NSRP1: variants seen among roughly 807,000 people sequenced by gnomAD.
The protein encoded by NSRP1 is nuclear speckle splicing regulatory protein 1, also known as coiled-coil domain containing 55.
In NSRP1, 24 loss-of-function variants were observed where a neutral mutation model predicts 54.7. The ratio of observed to expected loss-of-function variants is 0.44; its 90% CI spans 0.32 to 0.62. The LOEUF is 0.62. Among genes scored for constraint, NSRP1 ranks in the 20% least tolerant of loss-of-function variants. NSRP1 has a pLI of 0.06. For synonymous variants in NSRP1, 210 were observed against 213.8 expected, an observed-to-expected ratio of 0.98 and a Z score of 0.15; for missense variants, 596 against 651.2, an observed-to-expected ratio of 0.92 and a Z score of 0.92.
chr17:30,171,934 TCACACACACACACACA>T (rs746244255), intron 2 of NSRP1, among the ~76,000 whole-genome samples: 4 of 113,346 alleles, frequency 3.5e-5, no homozygotes, highest in Admixed American at 1.0e-4. Context: ...TCCCCATTTC[TCACACACACACACACA>T]CACACACACA....
At chr17:30,152,408 G>A (rs865991891) in intron 2 of NSRP1, among the ~76,000 whole-genome samples, 3 of 148,844 alleles carry the variant, frequency 2.0e-5, no homozygotes, top group Admixed American at 6.8e-5. Flanking sequence ...GTGAGCCACC[G>A]TGCCCAGCCT....
At chr17:30,129,151 CA>C (rs1463421790) in intron 2 of NSRP1, among the ~76,000 whole-genome samples, 1 of 151,094 alleles carries the variant, frequency 6.6e-6, no homozygotes, top group African/African-American at 2.4e-5. Context: ...ATTTAGTTTC[CA>C]AATCATATTA....
intron 2 of NSRP1, among the ~76,000 whole-genome samples, chr17:30,148,475 T>C (rs1344521299): frequency 2.6e-5 from 4 of 152,214 alleles, no homozygotes; most frequent in African/African-American, 4.8e-5. Flanking sequence ...GTACATTTAC[T>C]GACAGGAGAA....
At chr17:30,150,368 C>G (rs1035498386) in intron 2 of NSRP1, 1 of 149,640 alleles carries the variant, frequency 6.7e-6, no homozygotes, top group Non-Finnish European at 1.5e-5. Context: ...TGTGAGCCAT[C>G]GCGCCTGACC....
chr17:30,171,972 ACTCCCTCTCTCTCTCTCT>A (rs1904958261), intron 2 of NSRP1, among the ~76,000 whole-genome samples: 2 of 46,588 alleles, frequency 4.3e-5, no homozygotes, highest in African/African-American at 1.2e-4. Flanking sequence ...ACACACACAC[ACTCCCTCTCTCTCTCTCT>A]CTCTCTCTCT....
chr17:30,144,011 C>T (rs2071829584), intron 2 of NSRP1: 1 of 151,850 alleles, frequency 6.6e-6, no homozygotes, highest in South Asian at 2.1e-4. Context: ...AAATATTTTT[C>T]TACCACTATT....
chr17:30,135,216 T>C (rs936722647), intron 2 of NSRP1, among the ~76,000 whole-genome samples: 5 of 152,096 alleles, frequency 3.3e-5, no homozygotes, highest in Admixed American at 1.3e-4. Context: ...CGTCCAGGAC[T>C]CAAGCGATCC....
chr17:30,126,212 T>G (rs1350483850), intron 2 of NSRP1: 1 of 152,228 alleles, frequency 6.6e-6, no homozygotes. Flanking sequence ...TAATCTTGAC[T>G]TTGAAAACCT....
chr17:30,176,553 C>A (rs929324938), intron 3 of NSRP1, among the ~76,000 whole-genome samples: 2 of 149,820 alleles, frequency 1.3e-5, no homozygotes, highest in Non-Finnish European at 3.0e-5. Context: ...GAGGTTGCAG[C>A]GAGCCAAGAT....
chr17:30,132,873 G>A (rs1482925322), intron 2 of NSRP1, among the ~76,000 whole-genome samples: 2 of 152,222 alleles, frequency 1.3e-5, no homozygotes, highest in African/African-American at 4.8e-5. Flanking sequence ...CTTCCAGAAG[G>A]TTTTCAGTTT....
At chr17:30,182,770 T>TA (rs1452424428) in intron 6 of NSRP1, among the ~76,000 whole-genome samples, 2 of 151,938 alleles carry the variant, frequency 1.3e-5, no homozygotes, top group Non-Finnish European at 2.9e-5. Flanking sequence ...CCGTCTCTAC[T>TA]AAAAATACAA....
chr17:30,182,394 A>G (rs1905337783), intron 6 of NSRP1, among the ~76,000 whole-genome samples: 2 of 152,242 alleles, frequency 1.3e-5, no homozygotes, highest in Admixed American at 1.3e-4. Flanking sequence ...CTGTTATCCC[A>G]GCACTTTGGG....
chr17:30,125,189 C>T (rs554869902), intron 2 of NSRP1, among the ~76,000 whole-genome samples: 2 of 151,404 alleles, frequency 1.3e-5, no homozygotes, highest in African/African-American at 4.9e-5. Flanking sequence ...AACGAGACTC[C>T]GTCTCAAAAA....
At chr17:30,168,316 G>T (rs1904809698) in intron 2 of NSRP1, 1 of 151,736 alleles carries the variant, frequency 6.6e-6, no homozygotes, top group Non-Finnish European at 1.5e-5. Flanking sequence ...TACTGTTGTT[G>T]TTACTATTTT....
At position 30,117,145 on chromosome 17, in the gene NSRP1, C is replaced by T. The variant is rs1416427561; in HGVS notation, c.20+282C>T. 9.6e-6 allele frequency: 7 copies of T among 728,722 alleles called. No individual in the cohort carries two copies. The East Asian group carries it at 1.6e-4, about 16-fold the overall frequency. The allele number at this position is 728,722 out of a possible 1,614,324, so 45.1% of individuals were successfully genotyped here. On this transcript the variant is annotated intron_variant, in intron 1 of 6. Coordinates refer to ENST00000247026, the MANE Select transcript of NSRP1 (RefSeq NM_032141.4). ...TATTTTCCAAAAGCTCGGTCTGAGG[C>T]CCCTCAGTCTTGCTTCCTAACCCGC...
intron 6 of NSRP1, among the ~76,000 whole-genome samples, chr17:30,181,403 T>C (rs1480671879): frequency 6.7e-6 from 1 of 148,256 alleles, no homozygotes; most frequent in Non-Finnish European, 1.5e-5. Flanking sequence ...TTTTTCTTTT[T>C]TTTTTTTTTT....
chr17:30,118,052 A>G (rs1597589257), intron 1 of NSRP1, 28 bp from the exon 2 acceptor site: 1 of 1,557,676 alleles, frequency 6.4e-7, no homozygotes, highest in Non-Finnish European at 8.8e-7. Context: ...TAAAGGTTTA[A>G]TTTCTATTTC....
intron 2 of NSRP1, among the ~76,000 whole-genome samples, chr17:30,135,433 A>C (rs1270382121): frequency 6.6e-6 from 1 of 150,956 alleles, no homozygotes; most frequent in Non-Finnish European, 1.5e-5. Flanking sequence ...CGCTTATCAG[A>C]GTTAACTTAG....
At chr17:30,168,660 TGTA>T (rs1567803330) in intron 2 of NSRP1, among the ~76,000 whole-genome samples, 1 of 150,694 alleles carries the variant, frequency 6.6e-6, no homozygotes, top group African/African-American at 2.4e-5. Flanking sequence ...TGTTTTTAAT[TGTA>T]GTAGTTATTT....
Sources: gnomAD v4.1 joint callset for allele counts (sites outside exome capture counted in the v4.1 genomes callset) on GRCh38, gnomAD v4.1.1 for gene constraint, MANE v1.5 for transcripts, NCBI Gene and HGNC (gene_info 2026-07-23, HGNC 2026-07-21) for gene names.